SFTPD: variants seen among roughly 807,000 people sequenced by gnomAD.
The protein encoded by SFTPD is surfactant protein D.
In SFTPD, 18 loss-of-function variants were observed where a neutral mutation model predicts 34.6. The observed-to-expected ratio is 0.52, with a 90% CI of 0.36 to 0.77. The LOEUF (loss-of-function observed/expected upper bound fraction) is 0.77. Among genes scored for constraint, SFTPD ranks in the 30% least tolerant of loss-of-function variants. The probability of loss-of-function intolerance (pLI) is 0.00; values close to 1 mark genes in which losing one functional copy is unlikely to be tolerated. For synonymous variants in SFTPD, 155 were observed against 180.9 expected (o/e 0.86, Z 1.15); for missense variants, 433 against 468.9 (o/e 0.92, Z 0.71).
upstream of SFTPD, among the ~76,000 whole-genome samples, chr10:79,949,259 T>G (rs1199772863): frequency 6.6e-6 from 1 of 152,182 alleles, no homozygotes; most frequent in African/African-American, 2.4e-5. Flanking sequence ...GCCACTGATA[T>G]TCACAATACT....
chr10:79,944,531 G>A (rs1428727694), intron 2 of SFTPD, among the ~76,000 whole-genome samples: 5 of 151,450 alleles, frequency 3.3e-5, no homozygotes, highest in South Asian at 4.1e-4. Context: ...GAGCGTGACC[G>A]GGGGCCAGAA....
chr10:79,942,608 G>A (rs1842625408), intron 3 of SFTPD, 104 bp from the exon 4 acceptor site: 4 of 930,276 alleles, frequency 4.3e-6, no homozygotes, highest in East Asian at 4.8e-5. Context: ...CAGCATTGTT[G>A]TCCTCCCAAC....
At chr10:79,946,346 G>T in intron 2 of SFTPD, 115 bp downstream of exon 2, 2 of 800,038 alleles carry the variant, frequency 2.5e-6, no homozygotes, top group Non-Finnish European at 4.1e-6. Context: ...TCGCCTTCTT[G>T]GGAGGAAGAA....
At chr10:79,942,213 G>A in intron 4 of SFTPD, 143 bp from the exon 5 acceptor site, 2 of 756,554 alleles carry the variant, frequency 2.6e-6, no homozygotes, top group Non-Finnish European at 4.5e-6. Context: ...GGGCTCCTCT[G>A]TGGAGGGTGA....
At chr10:79,968,565 T>C (rs1253966016) in intron 1 of SFTPD, 1 of 152,252 alleles carries the variant, frequency 6.6e-6, no homozygotes, top group Non-Finnish European at 1.5e-5. Context: ...CGGTCCACTG[T>C]TGATAGGCAT....
intron 1 of SFTPD, among the ~76,000 whole-genome samples, chr10:79,947,324 G>A (rs185732304): frequency 1.8e-4 from 28 of 152,290 alleles, no homozygotes; most frequent in South Asian, 4.2e-4. Context: ...AGTTTTCAGA[G>A]ACACTAAACT....
At chr10:79,939,735 G>A (rs1842593250) in intron 7 of SFTPD, among the ~76,000 whole-genome samples, 2 of 152,210 alleles carry the variant, frequency 1.3e-5, no homozygotes, top group Non-Finnish European at 2.9e-5. Context: ...GTACTTAGAA[G>A]CCAAACCTGT....
chr10:79,967,890 A>C (rs1386773666), intron 1 of SFTPD, among the ~76,000 whole-genome samples: 1 of 151,520 alleles, frequency 6.6e-6, no homozygotes, highest in Non-Finnish European at 1.5e-5. Flanking sequence ...CCTGCCAGAG[A>C]ACAACCCCCT....
rs1382681855 is a variant in SFTPD at position 79,940,766 on chromosome 10, C to T, written c.690G>A (p.Gln230=). Residue 230 remains glutamine (Q), a synonymous_variant, in exon 7 of 8, where the codon CAG becomes CAA. Coordinates refer to ENST00000372292, the MANE Select transcript of SFTPD (RefSeq NM_003019.5). ...GLPDVASLRQ[Q]VEALQGQVQH... ...GTACTTGTCCCTGTAAGGCCTCAAC[C>T]TGCTGCCTCAGAGAAGCAACATCTG... 1 of 1,611,674 alleles carries T rather than the reference C, an allele frequency of 6.2e-7. No homozygotes were observed.
intron 1 of SFTPD, among the ~76,000 whole-genome samples, chr10:79,964,134 C>T (rs908468406): frequency 5.9e-5 from 9 of 152,086 alleles, no homozygotes; most frequent in Admixed American, 1.3e-4. Context: ...TGCCCTAACT[C>T]GAGCCCTCAC....
intron 2 of SFTPD, 87 bp from the exon 3 acceptor site, chr10:79,942,966 T>G (rs1998374): frequency 2.4e-6 from 2 of 839,370 alleles, no homozygotes; most frequent in South Asian, 2.8e-5. Context: ...AGCATTCCTT[T>G]AGGATTCTGC....
At chr10:79,982,110 C>G in intron 1 of SFTPD, 1 of 308,260 alleles carries the variant, frequency 3.2e-6, no homozygotes, top group Non-Finnish European at 5.8e-6. Flanking sequence ...CTCTAGCTCC[C>G]GCGCTCGCTC....
chr10:79,948,398 C>T (rs1001063975), intron 1 of SFTPD, among the ~76,000 whole-genome samples: 3 of 152,172 alleles, frequency 2.0e-5, no homozygotes, highest in East Asian at 1.9e-4. Flanking sequence ...AGGGCAGACC[C>T]GGGTTTTCAG....
chr10:79,975,766 T>C (rs772895716), intron 1 of SFTPD, among the ~76,000 whole-genome samples: 1 of 152,192 alleles, frequency 6.6e-6, no homozygotes, highest in African/African-American at 2.4e-5. Context: ...TGTATAGATA[T>C]TCGATTAACT....
intron 1 of SFTPD, chr10:79,969,503 C>A (rs1271939075): frequency 1.3e-5 from 2 of 150,626 alleles, no homozygotes; most frequent in Non-Finnish European, 2.9e-5. Context: ...GATATTAGAC[C>A]TTTATCAGAT....
chr10:79,949,082 G>C lies in SFTPD; in HGVS notation c.-20C>G, dbSNP rs572610064. ...GACACTTACAGGTTTCTTTTTGTTA[G>C]GCCCCAGGAGCTCCAAGCAAACTAG... On this transcript the variant is annotated 5_prime_UTR_variant, in exon 1 of 8. Coordinates refer to ENST00000372292, the MANE Select transcript of SFTPD (RefSeq NM_003019.5). 6.6e-6 allele frequency: 1 copy of C among 152,242 alleles called. No individual in the cohort carries two copies. Among genetic ancestry groups the C allele is most frequent in the South Asian group, 2.1e-4 (1 of 4,816 alleles). The allele number at this position is 152,242 out of a possible 1,614,324, so 9.4% of individuals were successfully genotyped here. A position where few individuals can be genotyped will look rare whatever the true frequency, so the allele number is the denominator to read the frequency against.
In SFTPD at chr10:79,975,205, C is replaced by T. The variant is rs534506902; in HGVS notation, c.36+7370G>A. Among the ~76,000 whole-genome samples the T allele has an allele frequency of 5.1e-4, 77 of 152,194 alleles. No homozygotes were observed. The Middle Eastern group carries it at 0.017, about 34-fold the overall frequency. Reference sequence around the variant, plus strand: ...CAACTACTTTTTGCCCAGTGTCCTCCGGAAAAGAAAGATCTGGAAGGTCAT... The same window carrying T: ...CAACTACTTTTTGCCCAGTGTCCTCTGGAAAAGAAAGATCTGGAAGGTCAT... On this transcript the variant is annotated intron_variant, in intron 1 of 5. Transcript: ENST00000444384.
intron 1 of SFTPD, among the ~76,000 whole-genome samples, chr10:79,980,676 G>C (rs1311631662): frequency 6.6e-6 from 1 of 152,202 alleles, no homozygotes; most frequent in Admixed American, 6.5e-5. Context: ...GAGACTGTCT[G>C]GTAATCCAGG....
rs1334193339 is a variant in SFTPD at position 79,938,178 on chromosome 10, C to A, written c.802G>T (p.Ala268Ser). The stretch of plus-strand genomic sequence containing the variant: ...TCCGTAAATGGTTTTACAAAGCCTG[C>A]TGTCTTGAAAATCTTCTCCCCGACA... ...QSVGEKIFKT[A>S]GFVKPFTEAQ... is the part of the protein sequence containing the mutation. The change falls in exon 8 of 8, where the codon GCA becomes TCA. Residue 268 changes from alanine (A) to serine (S), a missense_variant. By Grantham distance (99) the Ala-to-Ser change is moderately conservative. Transcript: ENST00000372292. 1 of 1,605,284 alleles carries A rather than the reference C, an allele frequency of 6.2e-7. No homozygotes were observed. The highest frequency in any genetic ancestry group is 8.5e-7 in the Non-Finnish European group (1 of 1,172,620).
Sources: gnomAD v4.1 joint callset for allele counts (sites outside exome capture counted in the v4.1 genomes callset) on GRCh38, gnomAD v4.1.1 for gene constraint, MANE v1.5 for transcripts, NCBI Gene and HGNC (gene_info 2026-07-23, HGNC 2026-07-21) for gene names.